GON4L: variants seen among roughly 807,000 people sequenced by gnomAD.
The protein encoded by GON4L is GON-4-like protein.
Under a neutral mutation model 211.8 loss-of-function variants are expected in GON4L, and 87 were observed. The ratio of observed to expected loss-of-function variants is 0.41; its 90% confidence interval spans 0.35 to 0.49. The LOEUF is 0.49. Ranked by LOEUF, GON4L falls within the 20% of genes least tolerant of loss-of-function variation. GON4L has a pLI of 0.15. For missense variants in GON4L, 2,155 were observed against 2,659.5 expected (o/e 0.81, Z 4.17); for synonymous variants, 875 against 962.6 (o/e 0.91, Z 1.68).
chr1:155,856,331 G>T (rs1161410752), intron 1 of GON4L, among the ~76,000 whole-genome samples: 6 of 152,000 alleles, frequency 3.9e-5, no homozygotes, highest in Non-Finnish European at 5.9e-5. Flanking sequence ...GGGCTCCAGT[G>T]ACCCTCTGGC....
rs760971402 is a variant in GON4L, at chr1:155,754,524, GTTTTTTTTTTTTTT to G, written c.5518-50_5518-37del. ...CTTGGGCTTGATTAGCTGCCAAGTT[GTTTTTTTTTTTTTT>G]TTTTTTTTTGAGACAGAGTCTCGCT... On this transcript the variant is annotated intron_variant, in intron 27 of 31. Coordinates refer to ENST00000368331, the MANE Select transcript of GON4L (RefSeq NM_001282860.2). 1.1e-5 allele frequency: 5 copies of G among 475,412 alleles called. 1 individual carries two copies. The highest frequency in any genetic ancestry group is 7.8e-5 in the Admixed American group (2 of 25,494). 29.4% of individuals were successfully genotyped at this position (475,412 alleles called of 1,614,324 possible).
Position 155,844,565 on chromosome 1 carries a change from G to A in GON4L, c.505+8711C>T, listed in dbSNP as rs185520764. On this transcript the variant is annotated intron_variant, in intron 2 of 31. Coordinates refer to ENST00000368331, the MANE Select transcript of GON4L (RefSeq NM_001282860.2). ...TGAGCTCAGGAGTCAAGACCAGCCC[G>A]GGCAACATAGTGAGACTGTGTCTCT... Among the ~76,000 whole-genome samples, 8 of 152,102 alleles carry A rather than the reference G, an allele frequency of 5.3e-5. No individual in the cohort carries two copies. The East Asian group carries it at 7.7e-4, about 15-fold the overall frequency.
At chr1:155,783,937 A>C in intron 14 of GON4L, 49 bp downstream of exon 14, 1 of 1,610,030 alleles carries the variant, frequency 6.2e-7, no homozygotes, top group Non-Finnish European at 8.5e-7. Context: ...ACCTTTTCAG[A>C]AATAAACTTT....
Position 155,776,485 on chromosome 1 carries a change from G to T in GON4L, c.2092-4C>A, listed in dbSNP as rs375990963. 97 of 1,602,252 alleles carry T rather than the reference G, an allele frequency of 6.1e-5. No individual in the cohort carries two copies. The highest frequency in any genetic ancestry group is 7.9e-5 in the Non-Finnish European group (92 of 1,169,500). On this transcript the variant is annotated splice_polypyrimidine_tract_variant and splice_region_variant and intron_variant, in intron 15 of 31. Coordinates refer to ENST00000368331, the MANE Select transcript of GON4L (RefSeq NM_001282860.2). ...TTTGGGTCAAGAGCTGAACGTGCTG[G>T]GGATGGAAAGAAAATGATGAAGTGA...
intron 23 of GON4L, among the ~76,000 whole-genome samples, chr1:155,761,169 T>C (rs973646781): frequency 1.0e-4 from 15 of 149,250 alleles, no homozygotes; most frequent in Non-Finnish European, 2.1e-4. Context: ...GGTTAGCTTA[T>C]GTGTGGTTTT....
rs747397900 is a variant in GON4L, at chr1:155,751,950, C to T, written c.6473+10G>A. 4 of 1,612,126 alleles carry T rather than the reference C, an allele frequency of 2.5e-6. No homozygotes were observed. Among genetic ancestry groups the T allele is most frequent in the Non-Finnish European group, 3.4e-6 (4 of 1,178,374 alleles). On this transcript the variant is annotated intron_variant, in intron 30 of 31. Coordinates refer to ENST00000368331, the MANE Select transcript of GON4L (RefSeq NM_001282860.2). ...TCTTTTCCAAACACACGTCATCCAC[C>T]CTTACCTACCTTGTCCACAGGACAA...
At chr1:155,777,074 G>A (rs943318520) in intron 15 of GON4L, among the ~76,000 whole-genome samples, 3 of 152,172 alleles carry the variant, frequency 2.0e-5, no homozygotes, top group Non-Finnish European at 2.9e-5. Flanking sequence ...TTAAATTTCA[G>A]AATAGATTAC....
intron 3 of GON4L, among the ~76,000 whole-genome samples, chr1:155,822,873 G>A (rs766186265): frequency 9.2e-5 from 14 of 152,198 alleles, no homozygotes; most frequent in Non-Finnish European, 1.9e-4. Flanking sequence ...TCGGCTCAGC[G>A]CAACCTCCGC....
chr1:155,847,573 G>A (rs964082099), intron 2 of GON4L, among the ~76,000 whole-genome samples: 5 of 152,186 alleles, frequency 3.3e-5, no homozygotes, highest in East Asian at 1.9e-4. Context: ...ATGGTAGCGG[G>A]TACCTATAAC....
Position 155,750,638 on chromosome 1 carries a change from T to C in GON4L, c.6672A>G (p.Ala2224=). 1 of 1,580,314 alleles carries C rather than the reference T, an allele frequency of 6.3e-7. No individual in the cohort carries two copies. Among genetic ancestry groups the C allele is most frequent in the Non-Finnish European group, 8.7e-7 (1 of 1,154,938 alleles). Reference sequence around the variant, plus strand: ...GGTCCCCATGGTCAGACAGCTGGTCTGCATTGCTGGTACTGGTTGCATCAT... The same window carrying C: ...GGTCCCCATGGTCAGACAGCTGGTCCGCATTGCTGGTACTGGTTGCATCAT... ...DEDDATSTSN[A]DQLSDHGDLL... The change falls in exon 32 of 32, where the codon GCA becomes GCG. Residue 2224 remains alanine, a synonymous_variant. Coordinates refer to ENST00000368331, the MANE Select transcript of GON4L (RefSeq NM_001282860.2).
rs560518529 is a variant in GON4L, at chr1:155,823,304, A to G, written c.698-828T>C. On this transcript the variant is annotated intron_variant, in intron 3 of 31. Coordinates refer to ENST00000368331, the MANE Select transcript of GON4L (RefSeq NM_001282860.2). The stretch of plus-strand genomic sequence containing the variant: ...CAATAAACCTAATGAAACTTACCAC[A>G]TTAACAAAATGAAAGAGAAAAAAAC... 9.7e-4 allele frequency among the ~76,000 whole-genome samples: 148 copies of G among 152,342 alleles called. 1 individual carries two copies. In the Middle Eastern group the frequency reaches 0.014, roughly 14 times the overall value.
Position 155,853,681 on chromosome 1 carries a change from G to A in GON4L, c.100C>T (p.Pro34Ser). ...NNVDLESAVK[P>S]ESDQVKDLSS... ...AAGTCCTTAACCTGGTCAGATTCTGGTTTAACGGCTGATTCTAGGTCTACG... is the reference window on the plus strand; with the variant it reads ...AAGTCCTTAACCTGGTCAGATTCTGATTTAACGGCTGATTCTAGGTCTACG... The change falls in exon 2 of 32, where the codon CCA becomes TCA. Residue 34 changes from proline (P) to serine (S), a missense_variant. Pro to Ser is a moderately conservative substitution (Grantham distance 74, BLOSUM62 -1). Around this residue, in one of 6 missense-constraint regions of GON4L, gnomAD observed 313 missense variants for 293.2 expected, o/e 1.07. Coordinates refer to ENST00000368331, the MANE Select transcript of GON4L (RefSeq NM_001282860.2). 1.9e-6 allele frequency: 3 copies of A among 1,613,572 alleles called. No homozygotes were observed. Among genetic ancestry groups the A allele is most frequent in the Non-Finnish European group, 2.5e-6 (3 of 1,179,494 alleles).
chr1:155,848,886 G>A (rs146394123), intron 2 of GON4L, among the ~76,000 whole-genome samples: 20 of 151,900 alleles, frequency 1.3e-4, no homozygotes, highest in East Asian at 5.8e-4. Flanking sequence ...GGTGGCTCAC[G>A]CCTGTAATCC....
intron 2 of GON4L, among the ~76,000 whole-genome samples, chr1:155,827,577 T>A (rs1231254518): frequency 1.3e-5 from 2 of 151,760 alleles, no homozygotes; most frequent in Non-Finnish European, 2.9e-5. Context: ...CCTAGTTACT[T>A]GGGGGGGCTG....
intron 2 of GON4L, among the ~76,000 whole-genome samples, chr1:155,836,853 C>A (rs1352874191): frequency 6.6e-6 from 1 of 152,180 alleles, no homozygotes; most frequent in Non-Finnish European, 1.5e-5. Flanking sequence ...CCTGTTTTGG[C>A]AATTTGGGCA....
chr1:155,797,501 T>A (rs921753293), intron 11 of GON4L, among the ~76,000 whole-genome samples: 4 of 151,770 alleles, frequency 2.6e-5, no homozygotes, highest in Admixed American at 6.6e-5. Context: ...TTGCCCAGAC[T>A]GGATACCGTG....
chr1:155,785,599 C>T (rs557206124), intron 12 of GON4L, among the ~76,000 whole-genome samples: 2 of 152,144 alleles, frequency 1.3e-5, no homozygotes, highest in Non-Finnish European at 2.9e-5. Flanking sequence ...AATCGCTCCT[C>T]CCACCTCAGC....
intron 14 of GON4L, among the ~76,000 whole-genome samples, chr1:155,782,682 TA>T (rs1240165981): frequency 6.6e-6 from 1 of 152,138 alleles, no homozygotes; most frequent in African/African-American, 2.4e-5. Context: ...TATTTTATTT[TA>T]TTTTTTTGAG....
At chr1:155,780,759 A>C (rs1664340414) in intron 14 of GON4L, among the ~76,000 whole-genome samples, 1 of 152,314 alleles carries the variant, frequency 6.6e-6, no homozygotes, top group Non-Finnish European at 1.5e-5. Context: ...AAGATACTTA[A>C]GTGATTAAGC....
Sources: allele counts gnomAD v4.1 joint callset (sites outside exome capture counted in the v4.1 genomes callset), GRCh38; gene constraint gnomAD v4.1.1; regional missense constraint gnomAD v4.1.1; transcripts MANE v1.5; gene names NCBI Gene and HGNC (gene_info 2026-07-23, HGNC 2026-07-21).